LCORL: variants seen among roughly 807,000 people sequenced by gnomAD.
LCORL encodes the protein ligand dependent nuclear receptor corepressor like, also known as ligand-dependent nuclear receptor corepressor-like protein.
LCORL carries 41 observed loss-of-function variants against 141.8 expected under a neutral mutation model. That is an observed-to-expected ratio of 0.29 (90% CI 0.23 to 0.38). The LOEUF (loss-of-function observed/expected upper bound fraction) is 0.38. LCORL is among the 10% of genes least tolerant of loss of function. The pLI is 1.00. For synonymous variants in LCORL, 618 were observed against 694.1 expected (o/e 0.89, Z 1.72); for missense variants, 1,759 against 2,035.0 (o/e 0.86, Z 2.61).
intron 5 of LCORL, among the ~76,000 whole-genome samples, chr4:17,906,876 G>A (rs562074814): frequency 2.1e-4 from 32 of 152,038 alleles, no homozygotes; most frequent in African/African-American, 7.7e-4. Context: ...TAGTAGAGAC[G>A]GGGTTTCACC....
At chr4:17,905,240 T>C (rs1731430292) in intron 5 of LCORL, among the ~76,000 whole-genome samples, 1 of 152,122 alleles carries the variant, frequency 6.6e-6, no homozygotes, top group African/African-American at 2.4e-5. Flanking sequence ...TCTTTGGTAG[T>C]GGAAGTGCCC....
At chr4:17,991,896 A>G (rs79377331) in intron 1 of LCORL, among the ~76,000 whole-genome samples, 1 of 105,248 alleles carries the variant, frequency 9.5e-6, no homozygotes, top group East Asian at 2.6e-4. Flanking sequence ...TCACCCTCAC[A>G]GAGAGGTGTA....
intron 4 of LCORL, among the ~76,000 whole-genome samples, chr4:17,954,154 C>A (rs1025735370): frequency 3.3e-5 from 5 of 152,100 alleles, no homozygotes; most frequent in Non-Finnish European, 7.4e-5. Context: ...CAGAACGAGA[C>A]TCCATCTCAA....
At position 17,874,371 on chromosome 4, in the gene LCORL, A is replaced by C. The variant is rs1180673452; in HGVS notation, c.4619T>G (p.Leu1540Ter). The C allele has an allele frequency of 8.1e-7, 1 of 1,233,746 alleles. No homozygotes were observed. Among genetic ancestry groups the C allele is most frequent in the Non-Finnish European group, 1.0e-6 (1 of 987,868 alleles). The allele number at this position is 1,233,746 out of a possible 1,614,324, so 76.4% of individuals were successfully genotyped here. A position where few individuals can be genotyped will look rare whatever the true frequency, so the allele number is the denominator to read the frequency against. Residue 1540 changes from leucine (L) to a stop codon, truncating the protein, a stop_gained, in exon 7 of 8, where the codon TTA becomes TGA. Coordinates refer to ENST00000635767, the Ensembl canonical transcript of LCORL. LOFTEE classifies it high-confidence loss of function. ...ATTAAAGTCAGAATATTTGGTCCCT[A>C]ATTTGATTCCCCTGGTATTTATTAC...
Position 17,911,627 on chromosome 4 carries a change from G to A in LCORL, c.431-2282C>T, listed in dbSNP as rs139919709. On this transcript the variant is annotated intron_variant, in intron 4 of 7. Transcript: ENST00000635767. ...CAGTTTAAAAATGGATAACTTGGTC[G>A]TTGGCAAAGTCTGAGTCCTGTCCTC... 1.1e-3 allele frequency: 460 copies of A among 413,852 alleles called. 1 individual carries two copies. Among genetic ancestry groups the A allele is most frequent in the Non-Finnish European group, 1.6e-3 (349 of 213,044 alleles). 25.6% of individuals were successfully genotyped at this position (413,852 alleles called of 1,614,324 possible).
At chr4:18,018,934 T>G (rs1489421541) in intron 1 of LCORL, among the ~76,000 whole-genome samples, 1 of 152,158 alleles carries the variant, frequency 6.6e-6, no homozygotes, top group South Asian at 2.1e-4. Context: ...GGGAAAATAA[T>G]ATGGCTTTTT....
chr4:17,936,472 AT>A (rs994018540), intron 4 of LCORL, among the ~76,000 whole-genome samples: 4 of 151,676 alleles, frequency 2.6e-5, no homozygotes, highest in Admixed American at 2.0e-4. Context: ...CCAGATCAGT[AT>A]TTTTTTTCCA....
At chr4:17,847,728 T>C (rs1270621622) in intron 7 of LCORL, among the ~76,000 whole-genome samples, 1 of 152,236 alleles carries the variant, frequency 6.6e-6, no homozygotes. Flanking sequence ...GGACCTCATT[T>C]TTGTTTTTCA....
chr4:17,998,638 A>T (rs1441990262), intron 1 of LCORL, among the ~76,000 whole-genome samples: 1 of 152,006 alleles, frequency 6.6e-6, no homozygotes, highest in Non-Finnish European at 1.5e-5. Context: ...ATATCTCCTG[A>T]AGGACTTTTT....
intron 2 of LCORL, among the ~76,000 whole-genome samples, chr4:17,964,090 G>A (rs1577566317): frequency 6.6e-6 from 1 of 152,050 alleles, no homozygotes; most frequent in East Asian, 1.9e-4. Context: ...GATCAGAAAA[G>A]AAGATAATAT....
intron 6 of LCORL, chr4:17,881,980 G>GA (rs35105182): frequency 0.22 from 175,244 of 798,872 alleles, 1,643 homozygotes; most frequent in South Asian, 0.31. Context: ...TTCTTGGGGT[G>GA]AAAAAAAAAA....
intron 7 of LCORL, among the ~76,000 whole-genome samples, chr4:17,870,036 C>CTA (rs1288905389): frequency 6.6e-6 from 1 of 152,144 alleles, no homozygotes; most frequent in Non-Finnish European, 1.5e-5. Context: ...ACAATATGGG[C>CTA]TATGCTTCCC....
intron 2 of LCORL, among the ~76,000 whole-genome samples, chr4:17,971,688 C>G (rs1433557470): frequency 6.6e-6 from 1 of 151,434 alleles, no homozygotes; most frequent in African/African-American, 2.4e-5. Context: ...ATCCTTTTCC[C>G]AACCATACTT....
In LCORL at chr4:17,849,539, C is replaced by T. The variant is rs1445927295; in HGVS notation, c.5603-3638G>A. ...AAACCCATCTGTAAATCACCATCAT[C>T]AAAGACCAAAAGTAGATAAAACCAC... On this transcript the variant is annotated intron_variant, in intron 7 of 7. Coordinates refer to ENST00000635767, the Ensembl canonical transcript of LCORL. 5.3e-5 allele frequency among the ~76,000 whole-genome samples: 8 copies of T among 152,244 alleles called. No homozygotes were observed. In the South Asian group the frequency reaches 1.7e-3, roughly 32 times the overall value.
intron 1 of LCORL, among the ~76,000 whole-genome samples, chr4:17,999,454 A>T (rs1248909361): frequency 7.1e-6 from 1 of 140,148 alleles, no homozygotes; most frequent in Non-Finnish European, 1.5e-5. Flanking sequence ...TCCGTCTCAC[A>T]AAAAAAAAAA....
intron 6 of LCORL, chr4:17,881,578 T>G (rs957889958): frequency 2.0e-6 from 2 of 978,354 alleles, no homozygotes; most frequent in Non-Finnish European, 2.4e-6. Flanking sequence ...GTGAAGTCAA[T>G]AGCAAAATGA....
intron 7 of LCORL, among the ~76,000 whole-genome samples, chr4:17,869,335 T>C (rs1726059450): frequency 1.3e-5 from 2 of 151,822 alleles, no homozygotes; most frequent in African/African-American, 4.8e-5. Flanking sequence ...TTTCTTTCTC[T>C]TCCTTCATTT....
At chr4:18,016,320 ACTG>A (rs1724627713) in intron 1 of LCORL, among the ~76,000 whole-genome samples, 1 of 152,192 alleles carries the variant, frequency 6.6e-6, no homozygotes, top group South Asian at 2.1e-4. Flanking sequence ...ATTTGACCAC[ACTG>A]CTAAGTGGTA....
At chr4:17,860,963 T>TA (rs2109130448) in intron 7 of LCORL, among the ~76,000 whole-genome samples, 1 of 152,318 alleles carries the variant, frequency 6.6e-6, no homozygotes, top group Admixed American at 6.5e-5. Context: ...TCCACCCCTG[T>TA]AGCTTTGCAG....
Sources: gnomAD v4.1 joint callset for allele counts (sites outside exome capture counted in the v4.1 genomes callset) on GRCh38, gnomAD v4.1.1 for gene constraint, MANE v1.5 for transcripts, NCBI Gene and HGNC (gene_info 2026-07-23, HGNC 2026-07-21) for gene names.